MELK: variants seen among roughly 807,000 people sequenced by gnomAD.
The protein encoded by MELK is pEg3 kinase.
MELK carries 81 observed loss-of-function variants against 85.0 expected under a neutral mutation model. That is an observed-to-expected ratio of 0.95 (90% CI 0.80 to 1.15). MELK has a LOEUF of 1.15. MELK is among the 50% of genes most tolerant of loss of function. The pLI, the probability that MELK is intolerant of heterozygous loss-of-function variation, is 0.00. For synonymous variants in MELK, 252 were observed against 265.0 expected, an observed-to-expected ratio of 0.95 and a Z score of 0.48; for missense variants, 754 against 777.5, an observed-to-expected ratio of 0.97 and a Z score of 0.36.
intron 8 of MELK, among the ~76,000 whole-genome samples, chr9:36,618,923 C>G (rs967620080): frequency 6.6e-6 from 1 of 151,360 alleles, no homozygotes; most frequent in Non-Finnish European, 1.5e-5. Flanking sequence ...CTTTGAAGAC[C>G]GCCAGTCAAG....
chr9:36,655,681 C>T (rs1831177791), intron 12 of MELK, among the ~76,000 whole-genome samples: 1 of 152,066 alleles, frequency 6.6e-6, no homozygotes, highest in Non-Finnish European at 1.5e-5. Flanking sequence ...GCTATTAGTC[C>T]CTACTGGAGT....
chr9:36,598,903 C>T (rs761966520), intron 6 of MELK, among the ~76,000 whole-genome samples: 24 of 152,320 alleles, frequency 1.6e-4, no homozygotes, highest in Non-Finnish European at 2.6e-4. Flanking sequence ...AGAGACCACA[C>T]GTGCATGCAC....
At chr9:36,655,957 G>T (rs978859478) in intron 12 of MELK, among the ~76,000 whole-genome samples, 1 of 152,114 alleles carries the variant, frequency 6.6e-6, no homozygotes, top group Non-Finnish European at 1.5e-5. Context: ...AAAAGGATGA[G>T]ATATAAGAAA....
At position 36,601,528 on chromosome 9, in the gene MELK, A is replaced by G. The variant is rs573666876; in HGVS notation, c.567+2042A>G. ...ACCAAATGTTTTCTGAACGTTTATC[A>G]TAGTCCTGGAATCATGCTGGATACT... On this transcript the variant is annotated intron_variant, in intron 7 of 17. Coordinates refer to ENST00000298048, the MANE Select transcript of MELK (RefSeq NM_014791.4). 2.3e-4 allele frequency among the ~76,000 whole-genome samples: 35 copies of G among 152,360 alleles called. No individual in the cohort carries two copies. The East Asian group carries it at 6.2e-3, about 27-fold the overall frequency.
At chr9:36,581,035 GTT>G (rs988569037) in intron 1 of MELK, among the ~76,000 whole-genome samples, 1 of 152,060 alleles carries the variant, frequency 6.6e-6, no homozygotes, top group Non-Finnish European at 1.5e-5. Flanking sequence ...GCTGAGAAAA[GTT>G]TTTTGTATCA....
At chr9:36,586,632 CAG>C (rs1822929464) in intron 3 of MELK, among the ~76,000 whole-genome samples, 1 of 152,118 alleles carries the variant, frequency 6.6e-6, no homozygotes, top group Non-Finnish European at 1.5e-5. Context: ...GTTTAAATTT[CAG>C]TTATAACTTT....
chr9:36,637,480 T>C (rs1370571633), intron 10 of MELK, among the ~76,000 whole-genome samples: 4 of 152,150 alleles, frequency 2.6e-5, no homozygotes, highest in Non-Finnish European at 2.9e-5. Context: ...TTGAAACAAA[T>C]GAAGAAAATA....
chr9:36,637,312 A>G (rs1181527221), intron 10 of MELK, among the ~76,000 whole-genome samples: 1 of 152,216 alleles, frequency 6.6e-6, no homozygotes, highest in Admixed American at 6.5e-5. Context: ...CTATTTATAG[A>G]TAAGGGAACG....
chr9:36,669,939 A>G (rs1172103130), intron 15 of MELK, among the ~76,000 whole-genome samples: 1 of 152,198 alleles, frequency 6.6e-6, no homozygotes, highest in Non-Finnish European at 1.5e-5. Flanking sequence ...TTATTAATTT[A>G]TTGATGAAGA....
intron 1 of MELK, among the ~76,000 whole-genome samples, chr9:36,577,040 T>G (rs554722542): frequency 2.6e-5 from 4 of 152,186 alleles, no homozygotes; most frequent in South Asian, 2.1e-4. Context: ...AGCTCTGTCT[T>G]CCTTTATAAG....
chr9:36,583,192 C>G (rs1238306073), intron 2 of MELK, among the ~76,000 whole-genome samples: 1 of 151,980 alleles, frequency 6.6e-6, no homozygotes, highest in Non-Finnish European at 1.5e-5. Flanking sequence ...CCAGGATGGT[C>G]TCGATCTCCT....
chr9:36,615,187 C>T (rs1222436391), intron 8 of MELK, among the ~76,000 whole-genome samples: 6 of 142,742 alleles, frequency 4.2e-5, no homozygotes, highest in South Asian at 4.5e-4. Flanking sequence ...GGCGGCTGGC[C>T]GGGCGGGGGG....
rs528505706 is a variant in MELK at position 36,588,497 on chromosome 9, A to G, written c.145-1039A>G. Among the ~76,000 whole-genome samples the G allele has an allele frequency of 4.6e-5, 7 of 150,696 alleles. No homozygotes were observed. In the East Asian group the frequency reaches 1.4e-3, roughly 29 times the overall value. Reference sequence around the variant, plus strand: ...TGGGTTCAAGCAATTCTCCTGCCTCAGCCTCCCGAGTAGCTGGGATTACAG... The same window carrying G: ...TGGGTTCAAGCAATTCTCCTGCCTCGGCCTCCCGAGTAGCTGGGATTACAG... On this transcript the variant is annotated intron_variant, in intron 3 of 17. Transcript: ENST00000298048.
chr9:36,577,029 A>C (rs570686707), intron 1 of MELK, among the ~76,000 whole-genome samples: 17 of 152,266 alleles, frequency 1.1e-4, no homozygotes, highest in African/African-American at 3.9e-4. Context: ...TTCTCTTATT[A>C]AGCTCTGTCT....
At chr9:36,586,127 G>C (rs989590805) in intron 3 of MELK, among the ~76,000 whole-genome samples, 1 of 152,024 alleles carries the variant, frequency 6.6e-6, no homozygotes, top group Non-Finnish European at 1.5e-5. Context: ...GATTGCCTGA[G>C]CTCAGGAGTT....
chr9:36,579,330 T>C (rs1226418074), intron 1 of MELK, among the ~76,000 whole-genome samples: 1 of 151,970 alleles, frequency 6.6e-6, no homozygotes, highest in Non-Finnish European at 1.5e-5. Flanking sequence ...CCCAGCCTAA[T>C]TTTTATATTT....
At chr9:36,622,757 C>T (rs910369004) in intron 8 of MELK, among the ~76,000 whole-genome samples, 2 of 152,212 alleles carry the variant, frequency 1.3e-5, no homozygotes, top group Non-Finnish European at 2.9e-5. Flanking sequence ...TTTACAATTA[C>T]GGAGTTTACT....
intron 8 of MELK, among the ~76,000 whole-genome samples, chr9:36,624,758 TAA>T (rs974906780): frequency 7.2e-5 from 11 of 152,232 alleles, no homozygotes; most frequent in African/African-American, 2.7e-4. Flanking sequence ...TACTTTTAGT[TAA>T]GAGTACTTTT....
At chr9:36,628,721 G>A (rs1025587287) in intron 8 of MELK, among the ~76,000 whole-genome samples, 3 of 151,556 alleles carry the variant, frequency 2.0e-5, no homozygotes, top group East Asian at 2.0e-4. Context: ...TCCGGCCAAT[G>A]ATGTTTTGTT....
Sources: allele counts gnomAD v4.1 joint callset (sites outside exome capture counted in the v4.1 genomes callset), GRCh38; gene constraint gnomAD v4.1.1; transcripts MANE v1.5; gene names NCBI Gene and HGNC (gene_info 2026-07-23, HGNC 2026-07-21).